The following ANKIB1 variants were observed in gnomAD, a reference collection of about 807,000 sequenced individuals.
The protein encoded by ANKIB1 is ankyrin repeat and IBR domain-containing protein 1.
A neutral mutation model predicts 122.1 loss-of-function variants in ANKIB1; 43 were observed. The ratio of observed to expected loss-of-function variants is 0.35; its 90% CI spans 0.28 to 0.45. The LOEUF (loss-of-function observed/expected upper bound fraction) is 0.45, where lower values mean the gene tolerates loss of function less well. Ranked by LOEUF, ANKIB1 falls within the 20% of genes least tolerant of loss-of-function variation. The pLI, the probability that ANKIB1 is intolerant of heterozygous loss-of-function variation, is 1.00. For missense variants in ANKIB1, 992 were observed against 1,329.5 expected, an observed-to-expected ratio of 0.75 and a Z score of 3.95; for synonymous variants, 390 against 442.0, an observed-to-expected ratio of 0.88 and a Z score of 1.48.
intron 1 of ANKIB1, among the ~76,000 whole-genome samples, chr7:92,264,959 G>A (rs1259487283): frequency 6.6e-6 from 1 of 152,190 alleles, no homozygotes; most frequent in African/African-American, 2.4e-5. Context: ...TTCAAAGAAA[G>A]TATCTCTGAG....
chr7:92,294,263 T>C (rs569784524), intron 1 of ANKIB1, among the ~76,000 whole-genome samples: 1 of 152,190 alleles, frequency 6.6e-6, no homozygotes, highest in South Asian at 2.1e-4. Context: ...CAGAAAGAAA[T>C]AAATTTAATG....
rs1459376175 is a variant in ANKIB1 at position 92,298,806 on chromosome 7, A to T, written c.188+3640A>T. 3.9e-5 allele frequency among the ~76,000 whole-genome samples: 6 copies of T among 152,080 alleles called. No individual in the cohort carries two copies. In the East Asian group the frequency reaches 9.6e-4, roughly 24 times the overall value. Reference sequence around the variant, plus strand: ...AAAAAAAAGCAGTTTCCCCTAAAAAAATCCTCGATTAAAGCAGTAAAATTA... The same window carrying T: ...AAAAAAAAGCAGTTTCCCCTAAAAATATCCTCGATTAAAGCAGTAAAATTA... On this transcript the variant is annotated intron_variant, in intron 2 of 19. Transcript: ENST00000265742.
chr7:92,279,584 AG>A (rs1313152365), intron 1 of ANKIB1, among the ~76,000 whole-genome samples: 1 of 152,168 alleles, frequency 6.6e-6, no homozygotes, highest in Non-Finnish European at 1.5e-5. Context: ...CCAGAGTCAC[AG>A]TTCTATTCAT....
intron 9 of ANKIB1, among the ~76,000 whole-genome samples, chr7:92,353,735 T>C (rs1803716037): frequency 2.0e-5 from 3 of 152,254 alleles, no homozygotes; most frequent in Non-Finnish European, 4.4e-5. Context: ...TCTATACTTA[T>C]TATTAAACAT....
chr7:92,247,033 TC>T (rs1302434552), intron 1 of ANKIB1, among the ~76,000 whole-genome samples: 2 of 152,188 alleles, frequency 1.3e-5, no homozygotes, highest in Non-Finnish European at 2.9e-5. Context: ...CTTATTCTTC[TC>T]CGTATGTATG....
chr7:92,291,566 T>C (rs929012219), intron 1 of ANKIB1, among the ~76,000 whole-genome samples: 54 of 148,078 alleles, frequency 3.6e-4, no homozygotes, highest in Non-Finnish European at 1.8e-4. Context: ...TTTTTCTTTT[T>C]CTTTTTTTTT....
intron 1 of ANKIB1, among the ~76,000 whole-genome samples, chr7:92,267,996 G>T (rs1801709604): frequency 6.6e-6 from 1 of 152,186 alleles, no homozygotes; most frequent in Non-Finnish European, 1.5e-5. Flanking sequence ...CTTTCGTTGT[G>T]ATAGGTAGAA....
intron 6 of ANKIB1, 37 bp downstream of exon 6, chr7:92,343,269 G>A: frequency 6.5e-7 from 1 of 1,549,674 alleles, no homozygotes; most frequent in East Asian, 2.3e-5. Context: ...TCATAGCTTT[G>A]TTTATAGTCT....
Position 92,368,594 on chromosome 7 carries a change from A to C in ANKIB1, c.1487-2883A>C, listed in dbSNP as rs1804155662. ...AAATTAGCCAGGTGTGGTGGCGGGC[A>C]CCTGTAGTCCCAACTACTTGGGAGG... is the stretch of plus-strand genomic sequence containing the variant. On this transcript the variant is annotated intron_variant, in intron 10 of 19. Transcript: ENST00000265742. Among the ~76,000 whole-genome samples the C allele has an allele frequency of 2.0e-5, 3 of 151,868 alleles. No homozygotes were observed. The South Asian group carries it at 6.2e-4, about 31-fold the overall frequency.
At chr7:92,313,097 A>G (rs1475995687) in intron 3 of ANKIB1, among the ~76,000 whole-genome samples, 3 of 152,144 alleles carry the variant, frequency 2.0e-5, no homozygotes, top group Non-Finnish European at 4.4e-5. Flanking sequence ...GTTGTTTTTG[A>G]TAGTGCTTTA....
At chr7:92,263,805 G>A (rs951253242) in intron 1 of ANKIB1, among the ~76,000 whole-genome samples, 5 of 152,082 alleles carry the variant, frequency 3.3e-5, no homozygotes, top group African/African-American at 1.2e-4. Context: ...TTGCTTATGG[G>A]TATAATGAGC....
intron 3 of ANKIB1, among the ~76,000 whole-genome samples, chr7:92,315,952 A>C (rs1160623670): frequency 6.6e-6 from 1 of 152,134 alleles, no homozygotes; most frequent in Non-Finnish European, 1.5e-5. Context: ...GTCACCACCC[A>C]TTTAGAGGGT....
At chr7:92,378,961 A>G (rs184018662) in intron 11 of ANKIB1, among the ~76,000 whole-genome samples, 1 of 152,362 alleles carries the variant, frequency 6.6e-6, no homozygotes, top group Admixed American at 6.5e-5. Flanking sequence ...AAATTTAACA[A>G]GAAATATGCA....
chr7:92,389,444 T>C (rs1050883144), intron 14 of ANKIB1, among the ~76,000 whole-genome samples: 3 of 152,156 alleles, frequency 2.0e-5, no homozygotes, highest in African/African-American at 4.8e-5. Flanking sequence ...TTCCTCATTC[T>C]TCCTCCCCTT....
chr7:92,266,040 A>G (rs1405643661), intron 1 of ANKIB1, among the ~76,000 whole-genome samples: 1 of 152,206 alleles, frequency 6.6e-6, no homozygotes, highest in African/African-American at 2.4e-5. Context: ...CTTAGGAGCA[A>G]GCTCAGAGGA....
At chr7:92,317,592 T>C (rs1260966314) in intron 3 of ANKIB1, among the ~76,000 whole-genome samples, 1 of 152,206 alleles carries the variant, frequency 6.6e-6, no homozygotes, top group African/African-American at 2.4e-5. Flanking sequence ...TTTTTACAAC[T>C]TAAAAACCAC....
At chr7:92,318,941 C>G (rs1444620116) in intron 3 of ANKIB1, among the ~76,000 whole-genome samples, 2 of 152,148 alleles carry the variant, frequency 1.3e-5, no homozygotes, top group Non-Finnish European at 2.9e-5. Flanking sequence ...TTAACAGTAT[C>G]AGCAGTGTCC....
At chr7:92,362,744 A>C (rs925435033) in intron 10 of ANKIB1, among the ~76,000 whole-genome samples, 1 of 152,250 alleles carries the variant, frequency 6.6e-6, no homozygotes, top group African/African-American at 2.4e-5. Flanking sequence ...AAGTATTGTC[A>C]CTGAGACTTC....
intron 1 of ANKIB1, among the ~76,000 whole-genome samples, chr7:92,289,977 T>C (rs1802212772): frequency 6.6e-6 from 1 of 152,044 alleles, no homozygotes; most frequent in African/African-American, 2.4e-5. Context: ...CCACCACACC[T>C]GGCTAATTTT....
Sources: allele counts gnomAD v4.1 joint callset (sites outside exome capture counted in the v4.1 genomes callset), GRCh38; gene constraint gnomAD v4.1.1; transcripts MANE v1.5; gene names NCBI Gene and HGNC (gene_info 2026-07-23, HGNC 2026-07-21).